GPR176: variants seen among roughly 807,000 people sequenced by gnomAD.
GPR176 encodes the protein G protein-coupled receptor 176, also known as G-protein coupled receptor 176.
A neutral mutation model predicts 35.4 loss-of-function variants in GPR176; 26 were observed. The ratio of observed to expected loss-of-function variants is 0.74; its 90% confidence interval spans 0.54 to 1.02. The LOEUF (loss-of-function observed/expected upper bound fraction) is 1.02. Among genes scored for constraint, GPR176 ranks in the 50% least tolerant of loss-of-function variants. The pLI is 0.00. For missense variants in GPR176, 597 were observed against 665.3 expected, an observed-to-expected ratio of 0.90 and a Z score of 1.13; for synonymous variants, 278 against 271.3, an observed-to-expected ratio of 1.02 and a Z score of -0.24.
At chr15:39,878,538 G>C (rs2032350002) in intron 1 of GPR176, among the ~76,000 whole-genome samples, 1 of 151,898 alleles carries the variant, frequency 6.6e-6, no homozygotes, top group Non-Finnish European at 1.5e-5. Flanking sequence ...TACAGACACA[G>C]GTTGACTCTA....
chr15:39,911,365 T>C (rs966457647), intron 1 of GPR176, among the ~76,000 whole-genome samples: 40 of 152,336 alleles, frequency 2.6e-4, no homozygotes, highest in Admixed American at 7.2e-4. Context: ...TAAACACTTG[T>C]GGCTTAATCT....
chr15:39,865,781 T>C (rs926028841), intron 1 of GPR176, among the ~76,000 whole-genome samples: 1 of 152,180 alleles, frequency 6.6e-6, no homozygotes, highest in Non-Finnish European at 1.5e-5. Flanking sequence ...CAAATTTACA[T>C]ATGCATTGGC....
chr15:39,916,255 C>G (rs1381854778), intron 1 of GPR176, among the ~76,000 whole-genome samples: 1 of 152,126 alleles, frequency 6.6e-6, no homozygotes, highest in Non-Finnish European at 1.5e-5. Flanking sequence ...CTCTTGACTA[C>G]TAAAAGTGAT....
At chr15:39,810,116 G>C in intron 1 of GPR176, among the ~76,000 whole-genome samples, 2 of 150,922 alleles carry the variant, frequency 1.3e-5, no homozygotes, top group Non-Finnish European at 3.0e-5. Flanking sequence ...CTCCAGCCTG[G>C]GTGACAGAGT....
At chr15:39,827,741 A>C (rs1217281403) in intron 1 of GPR176, among the ~76,000 whole-genome samples, 4 of 152,246 alleles carry the variant, frequency 2.6e-5, no homozygotes, top group Admixed American at 1.3e-4. Context: ...AATGGAAAAA[A>C]ACACAATCAC....
At chr15:39,916,078 T>G (rs2033719004) in intron 1 of GPR176, among the ~76,000 whole-genome samples, 1 of 152,128 alleles carries the variant, frequency 6.6e-6, no homozygotes, top group Non-Finnish European at 1.5e-5. Context: ...GCCACCTACC[T>G]TTTTCAAGTC....
At chr15:39,803,365 C>T (rs888270579) in intron 2 of GPR176, among the ~76,000 whole-genome samples, 6 of 143,324 alleles carry the variant, frequency 4.2e-5, no homozygotes, top group Admixed American at 7.5e-5. Flanking sequence ...CTGCAACCTT[C>T]GCCTTCTGGG....
rs1034616231 is a variant in GPR176 at position 39,880,210 on chromosome 15, T to G, written c.172+39645A>C. Among the ~76,000 whole-genome samples, 54 of 152,132 alleles carry G rather than the reference T, an allele frequency of 3.5e-4. 1 individual carries two copies. The highest frequency in any genetic ancestry group is 1.2e-3 in the African/African-American group (48 of 41,408). ...GACCCCCACCACTCTTTTGAAACAGTTCTCTCCCAAAGTCATCATGCATTC... is the reference window on the plus strand; with the variant it reads ...GACCCCCACCACTCTTTTGAAACAGGTCTCTCCCAAAGTCATCATGCATTC... On this transcript the variant is annotated intron_variant, in intron 1 of 2. Transcript: ENST00000561100.
At chr15:39,856,187 G>A (rs1234142729) in intron 1 of GPR176, among the ~76,000 whole-genome samples, 1 of 152,126 alleles carries the variant, frequency 6.6e-6, no homozygotes, top group African/African-American at 2.4e-5. Context: ...AAAACATACT[G>A]TGCAGGCCAA....
chr15:39,843,894 C>T (rs1217556153), intron 1 of GPR176, among the ~76,000 whole-genome samples: 1 of 152,036 alleles, frequency 6.6e-6, no homozygotes, highest in Admixed American at 6.6e-5. Flanking sequence ...CTAGGGGAGG[C>T]CTATAAAGCT....
At chr15:39,890,791 C>T (rs1412074286) in intron 1 of GPR176, among the ~76,000 whole-genome samples, 2 of 152,238 alleles carry the variant, frequency 1.3e-5, no homozygotes, top group East Asian at 3.9e-4. Flanking sequence ...TGGCTCTGGG[C>T]CTGGTAATGG....
intron 1 of GPR176, among the ~76,000 whole-genome samples, chr15:39,894,958 C>T (rs1566965801): frequency 6.6e-6 from 1 of 152,138 alleles, no homozygotes; most frequent in Non-Finnish European, 1.5e-5. Context: ...ACTGAGTGAA[C>T]GAGACTCCGT....
chr15:39,825,653 A>G (rs147217552), intron 1 of GPR176, among the ~76,000 whole-genome samples: 14 of 152,300 alleles, frequency 9.2e-5, no homozygotes, highest in Non-Finnish European at 1.3e-4. Flanking sequence ...AAAAAATTGT[A>G]TATAAATATG....
At chr15:39,806,710 A>G (rs945490646) in intron 2 of GPR176, among the ~76,000 whole-genome samples, 3 of 152,196 alleles carry the variant, frequency 2.0e-5, no homozygotes, top group Admixed American at 1.3e-4. Flanking sequence ...CAACACAAAT[A>G]CCACCAACTG....
rs112781642 is a variant in GPR176 at position 39,838,604 on chromosome 15, C to A, written c.173-31346G>T. On this transcript the variant is annotated intron_variant, in intron 1 of 2. Coordinates refer to ENST00000561100, the MANE Select transcript of GPR176 (RefSeq NM_007223.3). Reference sequence around the variant, plus strand: ...AACCACATGATTATCTCAATAGATGCAGAAAAGGCCTTTGACAAAATTCAA... The same window carrying A: ...AACCACATGATTATCTCAATAGATGAAGAAAAGGCCTTTGACAAAATTCAA... Among the ~76,000 whole-genome samples, 125 of 151,934 alleles carry A rather than the reference C, an allele frequency of 8.2e-4. 1 individual carries two copies. The highest frequency in any genetic ancestry group is 3.0e-3 in the African/African-American group (124 of 41,498).
intron 1 of GPR176, among the ~76,000 whole-genome samples, chr15:39,836,444 G>C (rs1793371627): frequency 6.6e-6 from 1 of 152,060 alleles, no homozygotes; most frequent in Admixed American, 6.6e-5. Flanking sequence ...TTGTCTTCCT[G>C]CATGAGTGGA....
intron 1 of GPR176, among the ~76,000 whole-genome samples, chr15:39,808,897 C>T (rs978063564): frequency 2.6e-5 from 4 of 152,122 alleles, no homozygotes; most frequent in African/African-American, 9.7e-5. Flanking sequence ...AATCACAGTG[C>T]ATAAGTATGA....
intron 1 of GPR176, among the ~76,000 whole-genome samples, chr15:39,870,740 G>A (rs1259788218): frequency 6.6e-6 from 1 of 152,098 alleles, no homozygotes; most frequent in Non-Finnish European, 1.5e-5. Flanking sequence ...GACTCTGTCA[G>A]AGCCCACTGA....
chr15:39,812,643 T>C (rs144766395), intron 1 of GPR176, among the ~76,000 whole-genome samples: 2,495 of 152,270 alleles, frequency 0.016, 73 homozygotes, highest in African/African-American at 0.057. Flanking sequence ...TCAATTCTTC[T>C]AATAAACTCC....
Sources: gnomAD v4.1 joint callset for allele counts (sites outside exome capture counted in the v4.1 genomes callset) on GRCh38, gnomAD v4.1.1 for gene constraint, MANE v1.5 for transcripts, NCBI Gene and HGNC (gene_info 2026-07-23, HGNC 2026-07-21) for gene names.